The following HCAR3 variants were observed in gnomAD, a reference collection of about 807,000 sequenced individuals.
HCAR3 encodes the protein G-protein coupled receptor 109B.
For missense variants in HCAR3, 404 were observed against 501.2 expected, an observed-to-expected ratio of 0.81 and a Z score of 1.85; for synonymous variants, 167 against 201.0, an observed-to-expected ratio of 0.83 and a Z score of 1.43.
Position 122,716,239 on chromosome 12 carries a change from A to G in HCAR3, c.499T>C (p.Leu167=). Reference sequence around the variant, plus strand: ...TTTGCAGTGCCATTCTGGATCAGCAACTTCTTCTTCAGGAGGTGGACTGTT... The same window carrying G: ...TTTGCAGTGCCATTCTGGATCAGCAGCTTCTTCTTCAGGAGGTGGACTGTT... ...GLTVHLLKKK[L]LIQNGTANVC... The change falls in exon 1 of 1, where the codon TTG becomes CTG. Residue 167 remains leucine, a synonymous_variant. Coordinates refer to ENST00000528880, the MANE Select transcript of HCAR3 (RefSeq NM_006018.3). 1 of 1,614,122 alleles carries G rather than the reference A, an allele frequency of 6.2e-7. No individual in the cohort carries two copies. The highest frequency in any genetic ancestry group is 1.3e-5 in the African/African-American group (1 of 75,034).
At position 122,716,671 on chromosome 12, in the gene HCAR3, C is replaced by T. The variant is rs1315179572; in HGVS notation, c.67G>A (p.Asp23Asn). The T allele has an allele frequency of 1.2e-6, 2 of 1,614,164 alleles. No individual in the cohort carries two copies. The change falls in exon 1 of 1, where the codon GAT (aspartate) becomes AAT (asparagine). Residue 23 changes from aspartate (D) to asparagine (N), a missense_variant. Physicochemically the swap from Asp to Asn is conservative, Grantham distance 23 (BLOSUM62 1). Coordinates refer to ENST00000528880, the MANE Select transcript of HCAR3 (RefSeq NM_006018.3). ...IDKKNCCVFR[D>N]DFIAKVLPPV... ...GGCAACACCTTGGCAATGAAGTCAT[C>T]TCGGAACACACAGCAGTTCTTCTTG...
chr12:122,716,561 C>T lies in HCAR3; in HGVS notation c.177G>A (p.Trp59Ter), dbSNP rs763845816. ...TGAACAGGAAAATCCGGCTGGATTT[C>T]CAGGACTTGAGGTGGAAACAGAAAA... Reference protein sequence around the residue: ...LWIFCFHLKSWKSSRIFLFNL... With the variant: ...LWIFCFHLKS Residue 59 changes from tryptophan (W) to a stop codon, truncating the protein, a stop_gained, in exon 1 of 1, where the codon TGG (tryptophan) becomes TGA (stop). Coordinates refer to ENST00000528880, the MANE Select transcript of HCAR3 (RefSeq NM_006018.3). LOFTEE classifies it low-confidence loss of function (END_TRUNC). The T allele has an allele frequency of 1.9e-6, 3 of 1,614,110 alleles. No individual in the cohort carries two copies. The highest frequency in any genetic ancestry group is 2.2e-5 in the South Asian group (2 of 91,074).
chr12:122,716,682 C>A lies in HCAR3; in HGVS notation c.56G>T (p.Cys19Phe). 6.2e-7 allele frequency: 1 copy of A among 1,614,136 alleles called. No individual in the cohort carries two copies. Among genetic ancestry groups the A allele is most frequent in the Non-Finnish European group, 8.5e-7 (1 of 1,180,036 alleles). Residue 19 changes from cysteine to phenylalanine, a missense_variant, in exon 1 of 1, where the codon TGT (cysteine) becomes TTT (phenylalanine). Transcript: ENST00000528880. ...GGCAATGAAGTCATCTCGGAACACACAGCAGTTCTTCTTGTCTATTTCCAG... is the reference window on the plus strand; with the variant it reads ...GGCAATGAAGTCATCTCGGAACACAAAGCAGTTCTTCTTGTCTATTTCCAG... ...HFLEIDKKNCCVFRDDFIAKV... is the reference protein window; with the variant it reads ...HFLEIDKKNCFVFRDDFIAKV...
rs1877545060 is a variant in HCAR3 at position 122,716,283 on chromosome 12, C to T, written c.455G>A (p.Trp152Ter). ...GACTGTTAGGCCAACAGTGATGCCC[C>T]ACAGAAGGCAAGAGATGATGGCTGC... ...WTAAIISCLL[W>*]GITVGLTVHL... is the part of the protein sequence containing the mutation. Residue 152 changes from tryptophan (W) to a stop codon, truncating the protein, a stop_gained, in exon 1 of 1, where the codon TGG (tryptophan) becomes TAG (stop). Coordinates refer to ENST00000528880, the MANE Select transcript of HCAR3 (RefSeq NM_006018.3). LOFTEE classifies it low-confidence loss of function (END_TRUNC). 6.2e-7 allele frequency: 1 copy of T among 1,614,058 alleles called. No homozygotes were observed. Among genetic ancestry groups the T allele is most frequent in the Non-Finnish European group, 8.5e-7 (1 of 1,180,006 alleles).
chr12:122,715,074 C>T lies in HCAR3; in HGVS notation c.*500G>A. ...AATCCCCTATTACACCCACCGGAAA[C>T]ACAGATACTAACCAAAGCATGTGAG... On this transcript the variant is annotated 3_prime_UTR_variant, in exon 1 of 1. Transcript: ENST00000528880. The T allele has an allele frequency of 6.1e-6, 1 of 163,922 alleles. No individual in the cohort carries two copies. Among genetic ancestry groups the T allele is most frequent in the South Asian group, 1.5e-4 (1 of 6,646 alleles). The allele number at this position is 163,922 out of a possible 1,614,324, so 10.2% of individuals were successfully genotyped here.
rs757649918 is a variant in HCAR3 at position 122,716,091 on chromosome 12, C to T, written c.647G>A (p.Arg216Gln). Residue 216 changes from arginine to glutamine, a missense_variant, in exon 1 of 1, where the codon CGG (arginine) becomes CAG (glutamine). Coordinates refer to ENST00000528880, the MANE Select transcript of HCAR3 (RefSeq NM_006018.3). ...FCSARIIWSL[R>Q]QRQMDRHAKI... ...GGCATGCCGGTCCATTTGTCTCTGC[C>T]GCAGGCTCCAGATAATTCTGGCTGA... 4.3e-5 allele frequency: 69 copies of T among 1,612,340 alleles called. No homozygotes were observed. In the East Asian group the frequency reaches 4.5e-4, roughly 10 times the overall value.
At position 122,715,497 on chromosome 12, in the gene HCAR3, T is replaced by A; in HGVS notation, c.*77A>T. The A allele has an allele frequency of 6.8e-7, 1 of 1,470,084 alleles. No homozygotes were observed. The highest frequency in any genetic ancestry group is 9.2e-7 in the Non-Finnish European group (1 of 1,087,062). The allele number at this position is 1,470,084 out of a possible 1,614,324, so 91.1% of individuals were successfully genotyped here. On this transcript the variant is annotated 3_prime_UTR_variant, in exon 1 of 1. Coordinates refer to ENST00000528880, the MANE Select transcript of HCAR3 (RefSeq NM_006018.3). The stretch of plus-strand genomic sequence containing the variant: ...TCACACCTTGCAACCAGTCTCCCAC[T>A]CATCTGCCACAGTTTCCCTAAATCA...
chr12:122,715,703 T>G lies in HCAR3; in HGVS notation c.1035A>C (p.Leu345Phe). The change falls in exon 1 of 1, where the codon TTA becomes TTC. Residue 345 changes from leucine (L) to phenylalanine (F), a missense_variant. Leu to Phe is a conservative substitution (Grantham distance 22). Transcript: ENST00000528880. ...PNKTRGAPEA[L>F]IANSGEPWSP... ...TCCATGGCTCACCGGAGTTGGCGAT[T>G]AACGCCTCTGGAGCGCCTCTGGTTT... is the stretch of plus-strand genomic sequence containing the variant. The G allele has an allele frequency of 1.9e-6, 3 of 1,611,968 alleles. No homozygotes were observed. Among genetic ancestry groups the G allele is most frequent in the Non-Finnish European group, 1.7e-6 (2 of 1,179,056 alleles).
Position 122,716,683 on chromosome 12 carries a change from A to G in HCAR3, c.55T>C (p.Cys19Arg). 6.2e-7 allele frequency: 1 copy of G among 1,614,094 alleles called. No individual in the cohort carries two copies. Among genetic ancestry groups the G allele is most frequent in the Non-Finnish European group, 8.5e-7 (1 of 1,180,026 alleles). ...HFLEIDKKNC[C>R]VFRDDFIAKV... is the part of the protein sequence containing the mutation. Reference sequence around the variant, plus strand: ...GCAATGAAGTCATCTCGGAACACACAGCAGTTCTTCTTGTCTATTTCCAGA... The same window carrying G: ...GCAATGAAGTCATCTCGGAACACACGGCAGTTCTTCTTGTCTATTTCCAGA... Residue 19 changes from cysteine (C) to arginine (R), a missense_variant, in exon 1 of 1, where the codon TGT becomes CGT. Cys to Arg is a radical substitution (Grantham distance 180). Coordinates refer to ENST00000528880, the MANE Select transcript of HCAR3 (RefSeq NM_006018.3).
Position 122,715,432 on chromosome 12 carries a change from C to T in HCAR3, c.*142G>A, listed in dbSNP as rs1413731570. 3 of 953,798 alleles carry T rather than the reference C, an allele frequency of 3.1e-6. No individual in the cohort carries two copies. The highest frequency in any genetic ancestry group is 4.7e-6 in the Non-Finnish European group (3 of 636,614). 59.1% of individuals were successfully genotyped at this position (953,798 alleles called of 1,614,324 possible). A position where few individuals can be genotyped will look rare whatever the true frequency, so the allele number is the denominator to read the frequency against. ...TCAGAGATGAAGCAAGTTTCAGATG[C>T]CTAGAAGCTTTACTCTCTGTTCCTC... is the stretch of plus-strand genomic sequence containing the variant. On this transcript the variant is annotated 3_prime_UTR_variant, in exon 1 of 1. Transcript: ENST00000528880.
Position 122,716,186 on chromosome 12 carries a change from A to G in HCAR3, c.552T>C (p.His184=). 2 of 1,614,128 alleles carry G rather than the reference A, an allele frequency of 1.2e-6. No homozygotes were observed. The highest frequency in any genetic ancestry group is 1.3e-5 in the African/African-American group (1 of 75,034). The change falls in exon 1 of 1, where the codon CAT becomes CAC. Residue 184 remains histidine (H), a synonymous_variant. Transcript: ENST00000528880. ...ANVCISFSIC[H]TFRWHEAMFL... ...ACATAGCTTCGTGCCACCGGAAGGT[A>G]TGGCAGATGCTGAAGCTGATGCACA...
Position 122,715,820 on chromosome 12 carries a change from G to A in HCAR3, c.918C>T (p.Ser306=). ...FSSPSFPNFF[S]TLINRCLQRK... Reference sequence around the variant, plus strand: ...TCTGGAGGCAGCGGTTGATCAAAGTGGAGAAGAAGTTGGGAAAGGATGGGC... The same window carrying A: ...TCTGGAGGCAGCGGTTGATCAAAGTAGAGAAGAAGTTGGGAAAGGATGGGC... The change falls in exon 1 of 1, where the codon TCC becomes TCT. Residue 306 remains serine (S), a synonymous_variant. Coordinates refer to ENST00000528880, the MANE Select transcript of HCAR3 (RefSeq NM_006018.3). 1 of 1,598,946 alleles carries A rather than the reference G, an allele frequency of 6.3e-7. No homozygotes were observed. Among genetic ancestry groups the A allele is most frequent in the Non-Finnish European group, 8.5e-7 (1 of 1,170,882 alleles).
chr12:122,716,221 T>A lies in HCAR3; in HGVS notation c.517A>T (p.Thr173Ser), dbSNP rs1798192. 2 of 1,613,764 alleles carry A rather than the reference T, an allele frequency of 1.2e-6. No homozygotes were observed. Among genetic ancestry groups the A allele is most frequent in the Non-Finnish European group, 1.7e-6 (2 of 1,179,990 alleles). The change falls in exon 1 of 1, where the codon ACT becomes TCT. Residue 173 changes from threonine to serine, a missense_variant. By Grantham distance (58) the Thr-to-Ser change is moderately conservative. Coordinates refer to ENST00000528880, the MANE Select transcript of HCAR3 (RefSeq NM_006018.3). ...CTGAAGCTGATGCACACATTTGCAG[T>A]GCCATTCTGGATCAGCAACTTCTTC... Reference protein sequence around the residue: ...LKKKLLIQNGTANVCISFSIC... With the variant: ...LKKKLLIQNGSANVCISFSIC...
rs781238025 is a variant in HCAR3 at position 122,716,572 on chromosome 12, G to A, written c.166C>T (p.Leu56Phe). Residue 56 changes from leucine to phenylalanine, a missense_variant, in exon 1 of 1, where the codon CTC becomes TTC. Transcript: ENST00000528880. ...GLALWIFCFH[L>F]KSWKSSRIFL... ...ATCCGGCTGGATTTCCAGGACTTGA[G>A]GTGGAAACAGAAAATCCACAGGGCA... 2.5e-6 allele frequency: 4 copies of A among 1,613,986 alleles called. No individual in the cohort carries two copies. In the African/African-American group the frequency reaches 5.3e-5, roughly 22 times the overall value.
chr12:122,714,762 C>G lies in HCAR3; in HGVS notation c.*812G>C, dbSNP rs1478480455. On this transcript the variant is annotated 3_prime_UTR_variant, in exon 1 of 1. Transcript: ENST00000528880. ...AGATATAGCAACGCCAGACTGTCTC[C>G]TATCAAAATTTATTGAAATGGTAGA... is the stretch of plus-strand genomic sequence containing the variant. 2 of 151,872 alleles carry G rather than the reference C, an allele frequency of 1.3e-5. No homozygotes were observed. Among genetic ancestry groups the G allele is most frequent in the African/African-American group, 4.8e-5 (2 of 41,274 alleles). The allele number at this position is 151,872 out of a possible 1,614,324, so 9.4% of individuals were successfully genotyped here.
At position 122,716,479 on chromosome 12, in the gene HCAR3, A is replaced by C; in HGVS notation, c.259T>G (p.Tyr87Asp). 8.1e-6 allele frequency: 13 copies of C among 1,614,162 alleles called. No individual in the cohort carries two copies. The highest frequency in any genetic ancestry group is 1.1e-5 in the Non-Finnish European group (13 of 1,180,028). The part of the protein sequence containing the change: ...IICLPFVMDY[Y>D]VRRSDWKFGD... ...AACTTCCAGTCTGAACGCCGCACATAGTAGTCCATCACGAACGGCAGGCAG... is the reference window on the plus strand; with the variant it reads ...AACTTCCAGTCTGAACGCCGCACATCGTAGTCCATCACGAACGGCAGGCAG... Residue 87 changes from tyrosine (Y) to aspartate (D), a missense_variant, in exon 1 of 1, where the codon TAT becomes GAT. Physicochemically the swap from Tyr to Asp is radical, Grantham distance 160. Transcript: ENST00000528880.
At position 122,716,752 on chromosome 12, in the gene HCAR3, A is replaced by G; in HGVS notation, c.-15T>C. On this transcript the variant is annotated 5_prime_UTR_variant, in exon 1 of 1. Coordinates refer to ENST00000528880, the MANE Select transcript of HCAR3 (RefSeq NM_006018.3). ...TGCCGATTCATGAGTGCAGCTAGTG[A>G]GTCCGATGGAGCGCCTCGCCTAGTG... 1 of 1,608,910 alleles carries G rather than the reference A, an allele frequency of 6.2e-7. No homozygotes were observed. Among genetic ancestry groups the G allele is most frequent in the Middle Eastern group, 1.7e-4 (1 of 6,038 alleles).
chr12:122,716,661 A>G lies in HCAR3; in HGVS notation c.77T>C (p.Ile26Thr). The G allele has an allele frequency of 6.2e-7, 1 of 1,614,174 alleles. No homozygotes were observed. The highest frequency in any genetic ancestry group is 8.5e-7 in the Non-Finnish European group (1 of 1,180,028). The change falls in exon 1 of 1, where the codon ATT becomes ACT. Residue 26 changes from isoleucine (I) to threonine (T), a missense_variant. Ile to Thr is a moderately conservative substitution (Grantham distance 89). Transcript: ENST00000528880. The part of the protein sequence containing the change: ...KNCCVFRDDF[I>T]AKVLPPVLGL... Reference sequence around the variant, plus strand: ...CAACACCGGCGGCAACACCTTGGCAATGAAGTCATCTCGGAACACACAGCA... The same window carrying G: ...CAACACCGGCGGCAACACCTTGGCAGTGAAGTCATCTCGGAACACACAGCA...
chr12:122,716,158 G>A lies in HCAR3; in HGVS notation c.580C>T (p.Leu194Phe). 6.2e-7 allele frequency: 1 copy of A among 1,614,050 alleles called. No homozygotes were observed. The highest frequency in any genetic ancestry group is 1.1e-5 in the South Asian group (1 of 91,070). ...CCCAGGGGCAGGAAGAACTCCAGGAGGAACATAGCTTCGTGCCACCGGAAG... is the reference window on the plus strand; with the variant it reads ...CCCAGGGGCAGGAAGAACTCCAGGAAGAACATAGCTTCGTGCCACCGGAAG... ...HTFRWHEAMF[L>F]LEFFLPLGII... Residue 194 changes from leucine (L) to phenylalanine (F), a missense_variant, in exon 1 of 1, where the codon CTC becomes TTC. Transcript: ENST00000528880.
Sources: allele counts gnomAD v4.1 joint callset, GRCh38; gene constraint gnomAD v4.1.1; transcripts MANE v1.5; gene names NCBI Gene and HGNC (gene_info 2026-07-23, HGNC 2026-07-21).